WDR38: variants seen among roughly 807,000 people sequenced by gnomAD.
WDR38 encodes the protein WD repeat domain 38.
Under a neutral mutation model 36.6 loss-of-function variants are expected in WDR38, and 37 were observed. That is an observed-to-expected ratio of 1.01 (90% CI 0.78 to 1.33). The LOEUF is 1.33. WDR38 is among the 40% of genes most tolerant of loss of function. WDR38 has a pLI of 0.00. For missense variants in WDR38, 411 were observed against 414.6 expected (o/e 0.99, Z 0.07); for synonymous variants, 164 against 168.1 (o/e 0.98, Z 0.19).
Position 124,854,319 on chromosome 9 carries a change from C to T in WDR38, c.184C>T (p.His62Tyr), listed in dbSNP as rs369817719. ...SGQLLWRLGG[H>Y]TGPVKFCRFS... ...GCAGCTGCTGTGGAGGCTGGGTGGC[C>T]ACACAGGTGGGGCTCCCACACCTGG... Residue 62 changes from histidine to tyrosine, a missense_variant, in exon 2 of 9, where the codon CAC (histidine) becomes TAC (tyrosine). His to Tyr is a moderately conservative substitution (Grantham distance 83). Transcript: ENST00000373574. The T allele has an allele frequency of 5.6e-6, 9 of 1,613,736 alleles. No homozygotes were observed. In the African/African-American group the frequency reaches 1.1e-4, roughly 19 times the overall value.
At chr9:124,856,660 TCCCAGGCCACTTAGGGG>T (rs1231940998) in intron 6 of WDR38, 55 bp from the exon 7 acceptor site, 5 of 1,612,458 alleles carry the variant, frequency 3.1e-6, no homozygotes, top group African/African-American at 1.3e-5. Flanking sequence ...CCCTTAAGGG[TCCCAGGCCACTTAGGGG>T]CCCAGTGAGC....
Position 124,853,618 on chromosome 9 carries a change from C to A in WDR38, c.69+18C>A. 7.9e-7 allele frequency: 1 copy of A among 1,270,298 alleles called. No homozygotes were observed. Among genetic ancestry groups the A allele is most frequent in the African/African-American group, 1.5e-5 (1 of 66,174 alleles). 78.7% of individuals were successfully genotyped at this position (1,270,298 alleles called of 1,614,324 possible). On this transcript the variant is annotated intron_variant, in intron 1 of 8. Transcript: ENST00000373574. ...GCGGGGAGGTGAGGTCCAGCGGGCT[C>A]TGCCCAGACTCCCGGCTTTGGATGC...
chr9:124,857,599 C>A lies in WDR38; in HGVS notation c.914C>A (p.Thr305Lys), dbSNP rs372311355. The change falls in exon 9 of 9, where the codon ACG becomes AAG. Residue 305 changes from threonine (T) to lysine (K), a missense_variant. Physicochemically the swap from Thr to Lys is moderately conservative, Grantham distance 78. Transcript: ENST00000373574. ...ADQTRRQISR[T>K]SKSPRDPQT ...CAGACTAGACGTCAAATATCCCGCA[C>A]GTCCAAATCACCCAGGGACCCTCAA... is the stretch of plus-strand genomic sequence containing the variant. The A allele has an allele frequency of 1.2e-6, 2 of 1,614,142 alleles. No individual in the cohort carries two copies. Among genetic ancestry groups the A allele is most frequent in the Non-Finnish European group, 1.7e-6 (2 of 1,180,028 alleles).
intron 1 of WDR38, 124 bp from the exon 2 acceptor site, chr9:124,854,081 G>T: frequency 6.7e-7 from 1 of 1,484,822 alleles, no homozygotes; most frequent in Non-Finnish European, 9.1e-7. Context: ...CTGGGCTCTG[G>T]TGGTGGAGTG....
In WDR38 at chr9:124,855,652, G is replaced by A. The variant is rs114731914; in HGVS notation, c.209G>A (p.Arg70His). The A allele has an allele frequency of 3.2e-3, 5,124 of 1,611,302 alleles. 151 individuals are homozygous for A. The African/African-American group carries it at 0.06, about 19-fold the overall frequency. The change falls in exon 3 of 9, where the codon CGC becomes CAC. Residue 70 changes from arginine (R) to histidine (H), a missense_variant. Physicochemically the swap from Arg to His is conservative, Grantham distance 29 (BLOSUM62 0). Transcript: ENST00000373574. ...GGHTGPVKFC[R>H]FSPDGHLFAS... ...CGCCCAGGCCCCGTGAAGTTCTGCC[G>A]CTTCTCCCCTGATGGCCACCTCTTC...
chr9:124,855,282 A>G (rs1829017611), intron 2 of WDR38, among the ~76,000 whole-genome samples: 1 of 152,200 alleles, frequency 6.6e-6, no homozygotes. Flanking sequence ...TATTCAGGAG[A>G]CAAGAAAAAA....
chr9:124,854,888 A>T (rs79872835), intron 2 of WDR38, among the ~76,000 whole-genome samples: 1 of 152,314 alleles, frequency 6.6e-6, no homozygotes, highest in Non-Finnish European at 1.5e-5. Context: ...TTAAGTGTAC[A>T]GTTCAGAGAA....
At position 124,856,542 on chromosome 9, in the gene WDR38, C is replaced by T. The variant is rs369914150; in HGVS notation, c.560C>T (p.Ala187Val). The change falls in exon 6 of 9, where the codon GCG becomes GTG. Residue 187 changes from alanine (A) to valine (V), a missense_variant. By Grantham distance (64) the Ala-to-Val change is moderately conservative. Transcript: ENST00000373574. ...RMVTPAVSHQ[A>V]LEGHSANISC... Reference sequence around the variant, plus strand: ...GTGACCCCAGCAGTCTCCCACCAGGCGCTAGAGGGACACAGTGCCAACATC... The same window carrying T: ...GTGACCCCAGCAGTCTCCCACCAGGTGCTAGAGGGACACAGTGCCAACATC... 5.0e-5 allele frequency: 80 copies of T among 1,613,204 alleles called. 2 individuals are homozygous for T. In the East Asian group the frequency reaches 7.6e-4, roughly 15 times the overall value.
intron 2 of WDR38, 74 bp downstream of exon 2, chr9:124,854,399 C>G (rs1179093384): frequency 6.3e-7 from 1 of 1,595,658 alleles, no homozygotes; most frequent in East Asian, 2.2e-5. Flanking sequence ...CTGCAGTGAC[C>G]TCCGATGAGC....
chr9:124,854,138 T>A (rs1828981790), intron 1 of WDR38, 67 bp from the exon 2 acceptor site: 3 of 1,603,190 alleles, frequency 1.9e-6, no homozygotes, highest in Admixed American at 3.3e-5. Flanking sequence ...GGGCAGTGTT[T>A]AGGGGTCAGA....
chr9:124,856,133 A>G (rs1308655234), intron 4 of WDR38, 107 bp from the exon 5 acceptor site: 1 of 1,561,022 alleles, frequency 6.4e-7, no homozygotes, highest in Non-Finnish European at 8.8e-7. Context: ...GCTTCCTTGC[A>G]CACAGCAGCC....
chr9:124,856,517 G>C lies in WDR38; in HGVS notation c.535G>C (p.Val179Leu), dbSNP rs779667976. The C allele has an allele frequency of 1.2e-6, 2 of 1,612,712 alleles. No homozygotes were observed. Among genetic ancestry groups the C allele is most frequent in the Non-Finnish European group, 1.7e-6 (2 of 1,179,392 alleles). The stretch of plus-strand genomic sequence containing the variant: ...CGTACACATCTGGGACCTGCGGATG[G>C]TGACCCCAGCAGTCTCCCACCAGGC... ...STVHIWDLRMVTPAVSHQALE... is the reference protein window; with the variant it reads ...STVHIWDLRMLTPAVSHQALE... The change falls in exon 6 of 9, where the codon GTG (valine) becomes CTG (leucine). Residue 179 changes from valine to leucine, a missense_variant. Physicochemically the swap from Val to Leu is conservative, Grantham distance 32. Transcript: ENST00000373574.
chr9:124,855,908 C>G lies in WDR38; in HGVS notation c.355C>G (p.Gln119Glu). The G allele has an allele frequency of 6.2e-7, 1 of 1,614,142 alleles. No homozygotes were observed. Among genetic ancestry groups the G allele is most frequent in the Non-Finnish European group, 8.5e-7 (1 of 1,179,968 alleles). ...GGTCAGCTTCAGCCCTGACTCGAGA[C>G]AGCTGGCATCAGGTGGCTGGGACAA... is the stretch of plus-strand genomic sequence containing the variant. ...ETVSFSPDSR[Q>E]LASGGWDKRV... is the part of the protein sequence containing the mutation. The change falls in exon 4 of 9, where the codon CAG becomes GAG. Residue 119 changes from glutamine (Q) to glutamate (E), a missense_variant. Coordinates refer to ENST00000373574, the MANE Select transcript of WDR38 (RefSeq NM_001045476.3).
At position 124,855,884 on chromosome 9, in the gene WDR38, G is replaced by A. The variant is rs1444627485; in HGVS notation, c.331G>A (p.Val111Ile). 1 of 1,614,028 alleles carries A rather than the reference G, an allele frequency of 6.2e-7. No homozygotes were observed. Among genetic ancestry groups the A allele is most frequent in the Admixed American group, 1.7e-5 (1 of 60,008 alleles). The stretch of plus-strand genomic sequence containing the variant: ...AGGTCACCAACGGAGTGTGGAGACG[G>A]TCAGCTTCAGCCCTGACTCGAGACA... ...LKGHQRSVET[V>I]SFSPDSRQLA... The change falls in exon 4 of 9, where the codon GTC becomes ATC. Residue 111 changes from valine (V) to isoleucine (I), a missense_variant. Val to Ile is a conservative substitution (Grantham distance 29, BLOSUM62 3). Transcript: ENST00000373574.
At chr9:124,856,630 G>T in intron 6 of WDR38, 30 bp downstream of exon 6, 1 of 1,612,902 alleles carries the variant, frequency 6.2e-7, no homozygotes, top group South Asian at 1.1e-5. Context: ...TTCCAGGCTG[G>T]TCCCTTGCTG....
intron 1 of WDR38, 106 bp downstream of exon 1, chr9:124,853,706 C>A: frequency 1.1e-6 from 1 of 891,510 alleles, no homozygotes; most frequent in Non-Finnish European, 1.5e-6. Context: ...TGGCTCAGGA[C>A]ATTGAGTCCA....
chr9:124,854,391 G>A (rs1239782421), intron 2 of WDR38, 66 bp downstream of exon 2: 22 of 1,601,318 alleles, frequency 1.4e-5, no homozygotes, highest in Non-Finnish European at 1.5e-5. Context: ...AGAGCTGACT[G>A]CAGTGACCTC....
intron 6 of WDR38, 27 bp from the exon 7 acceptor site, chr9:124,856,705 T>TG (rs1829081270): frequency 6.2e-7 from 1 of 1,613,578 alleles, no homozygotes. Context: ...CCCCAAACCC[T>TG]GGGGATCAGA....
At chr9:124,855,141 C>T (rs1361217081) in intron 2 of WDR38, among the ~76,000 whole-genome samples, 5 of 152,132 alleles carry the variant, frequency 3.3e-5, no homozygotes, top group Non-Finnish European at 5.9e-5. Context: ...TCAGCCATGT[C>T]GTGCTTACCA....
Sources: gnomAD v4.1 joint callset for allele counts (sites outside exome capture counted in the v4.1 genomes callset) on GRCh38, gnomAD v4.1.1 for gene constraint, MANE v1.5 for transcripts, NCBI Gene and HGNC (gene_info 2026-07-23, HGNC 2026-07-21) for gene names.